Variants in PTPN4 observed in about 807,000 individuals in gnomAD.
The protein encoded by PTPN4 is protein tyrosine phosphatase non-receptor type 4.
Under a neutral mutation model 135.5 loss-of-function variants are expected in PTPN4, and 49 were observed. That is an observed-to-expected ratio of 0.36 (90% CI 0.29 to 0.46). PTPN4 has a LOEUF of 0.46. Ranked by LOEUF, PTPN4 falls within the 20% of genes least tolerant of loss-of-function variation. The probability of loss-of-function intolerance (pLI) is 1.00; values close to 1 mark genes in which losing one functional copy is unlikely to be tolerated. For synonymous variants in PTPN4, 333 were observed against 369.9 expected (o/e 0.90, Z 1.14); for missense variants, 860 against 1,101.0 (o/e 0.78, Z 3.10).
intron 19 of PTPN4, among the ~76,000 whole-genome samples, chr2:119,953,738 C>T (rs889207173): frequency 5.9e-5 from 9 of 152,074 alleles, no homozygotes; most frequent in African/African-American, 2.2e-4. Flanking sequence ...TCCTCATAGA[C>T]ATCCAATGAG....
chr2:119,856,105 A>G (rs879448336), intron 2 of PTPN4, among the ~76,000 whole-genome samples: 24 of 152,116 alleles, frequency 1.6e-4, no homozygotes, highest in Non-Finnish European at 1.5e-4. Flanking sequence ...CGCCCAGCCT[A>G]TGTAATTCTT....
At chr2:119,877,812 C>T (rs1260393651) in intron 5 of PTPN4, among the ~76,000 whole-genome samples, 2 of 152,102 alleles carry the variant, frequency 1.3e-5, no homozygotes, top group African/African-American at 4.8e-5. Flanking sequence ...GTGAACACTG[C>T]TTAAGTGTGG....
At chr2:119,971,198 G>A (rs1679528380) in intron 26 of PTPN4, among the ~76,000 whole-genome samples, 1 of 152,192 alleles carries the variant, frequency 6.6e-6, no homozygotes, top group Non-Finnish European at 1.5e-5. Flanking sequence ...AGGCAAAGGG[G>A]AAGCAAGCAG....
In PTPN4 at chr2:119,951,954, T is replaced by A. The variant is rs1336395433; in HGVS notation, c.1657-19T>A. ...AAAGTTGCATGCCAATCTGAAACCT[T>A]ATCTATATTATATTACAGGCTGACC... On this transcript the variant is annotated intron_variant, in intron 18 of 26. Coordinates refer to ENST00000263708, the MANE Select transcript of PTPN4 (RefSeq NM_002830.4). 29 of 1,567,496 alleles carry A rather than the reference T, an allele frequency of 1.9e-5. No individual in the cohort carries two copies. The highest frequency in any genetic ancestry group is 2.3e-5 in the Non-Finnish European group (27 of 1,156,748).
chr2:119,880,771 A>C (rs545992754), intron 5 of PTPN4, among the ~76,000 whole-genome samples: 1 of 152,162 alleles, frequency 6.6e-6, no homozygotes, highest in South Asian at 2.1e-4. Flanking sequence ...TAAATAGATT[A>C]TATTTATAAT....
At position 119,816,115 on chromosome 2, in the gene PTPN4, T is replaced by A. The variant is rs146846515; in HGVS notation, c.138+6124T>A. ...ACTCACATGTAGATGGTATAACCTA[T>A]TACACACCTAGGATATATGGTATGG... On this transcript the variant is annotated intron_variant, in intron 2 of 26. Coordinates refer to ENST00000263708, the MANE Select transcript of PTPN4 (RefSeq NM_002830.4). Among the ~76,000 whole-genome samples the A allele has an allele frequency of 3.4e-3, 519 of 152,316 alleles. 3 individuals carry two copies. Among genetic ancestry groups the A allele is most frequent in the Non-Finnish European group, 4.6e-3 (313 of 68,022 alleles).
chr2:119,952,033 G>A lies in PTPN4; in HGVS notation c.1717G>A (p.Asp573Asn), dbSNP rs1452061874. The change falls in exon 19 of 27, where the codon GAC becomes AAC. Residue 573 changes from aspartate (D) to asparagine (N), a missense_variant. This residue lies in a region of PTPN4 where 684 missense variants were observed against 807.0 expected (regional missense o/e 0.85). Coordinates refer to ENST00000263708, the MANE Select transcript of PTPN4 (RefSeq NM_002830.4). Reference sequence around the variant, plus strand: ...CCAAGTTGTACTGATCAATGGTCGGGACATTGCAGAACACACTCATGATCA... The same window carrying A: ...CCAAGTTGTACTGATCAATGGTCGGAACATTGCAGAACACACTCATGATCA... ...GDQVVLINGR[D>N]IAEHTHDQVV... is the part of the protein sequence containing the mutation. The A allele has an allele frequency of 6.2e-7, 1 of 1,613,312 alleles. No homozygotes were observed. The highest frequency in any genetic ancestry group is 1.7e-5 in the Admixed American group (1 of 60,012).
intron 12 of PTPN4, 137 bp downstream of exon 12, chr2:119,920,378 T>G (rs1678718526): frequency 1.1e-6 from 1 of 913,836 alleles, no homozygotes; most frequent in Admixed American, 2.9e-5. Flanking sequence ...GATTGCAGCC[T>G]CTATATCAGT....
At position 119,908,331 on chromosome 2, in the gene PTPN4, G is replaced by A. The variant is rs536351719; in HGVS notation, c.765-6848G>A. ...CAAATTGAAGGTTTGTGGCAACCCT[G>A]CATCAAACAACTCTGTTGTTGCCAT... On this transcript the variant is annotated intron_variant, in intron 10 of 26. Transcript: ENST00000263708. Among the ~76,000 whole-genome samples the A allele has an allele frequency of 1.5e-4, 23 of 152,248 alleles. No homozygotes were observed. In the East Asian group the frequency reaches 4.2e-3, roughly 28 times the overall value.
intron 10 of PTPN4, 95 bp from the exon 11 acceptor site, chr2:119,915,084 A>C (rs1678631855): frequency 1.9e-6 from 2 of 1,040,868 alleles, no homozygotes; most frequent in South Asian, 3.8e-5. Context: ...AAATGTTTAG[A>C]TATTACTAAA....
chr2:119,862,807 T>G (rs1381643766), intron 3 of PTPN4, among the ~76,000 whole-genome samples, 164 bp downstream of exon 3: 1 of 152,168 alleles, frequency 6.6e-6, no homozygotes, highest in East Asian at 1.9e-4. Context: ...CTTGACATTT[T>G]AATCTTTCAG....
At chr2:119,932,612 T>C in intron 14 of PTPN4, 63 bp downstream of exon 14, 1 of 1,475,972 alleles carries the variant, frequency 6.8e-7, no homozygotes, top group Non-Finnish European at 9.2e-7. Context: ...TTATTGGCTG[T>C]ATATTTTTAT....
chr2:119,948,466 A>G (rs1465725590), intron 18 of PTPN4, among the ~76,000 whole-genome samples: 2 of 152,154 alleles, frequency 1.3e-5, no homozygotes, highest in Non-Finnish European at 2.9e-5. Context: ...GCAGTTGTAT[A>G]TCTTTTGGCC....
At chr2:119,795,105 C>T (rs972136703) in intron 1 of PTPN4, among the ~76,000 whole-genome samples, 1 of 152,110 alleles carries the variant, frequency 6.6e-6, no homozygotes, top group Admixed American at 6.5e-5. Context: ...TGGGCAGGTC[C>T]TCTCTGCAGT....
At chr2:119,766,480 GTGTC>G (rs768731207) in intron 1 of PTPN4, among the ~76,000 whole-genome samples, 6,447 of 122,010 alleles carry the variant, frequency 0.053, 141 homozygotes, top group African/African-American at 0.06. Context: ...GTGTGTGTGT[GTGTC>G]TGTGTGTGTG....
At chr2:119,909,528 A>G (rs1052583402) in intron 10 of PTPN4, among the ~76,000 whole-genome samples, 1 of 152,232 alleles carries the variant, frequency 6.6e-6, no homozygotes, top group Non-Finnish European at 1.5e-5. Flanking sequence ...AGAGATGGCA[A>G]GGAAGTTGAT....
chr2:119,970,720 T>A (rs902478741), intron 26 of PTPN4, among the ~76,000 whole-genome samples: 19 of 152,268 alleles, frequency 1.2e-4, no homozygotes, highest in Non-Finnish European at 5.9e-5. Context: ...TGATGGACAT[T>A]TATTTGGTTT....
rs538535962 is a variant in PTPN4, at chr2:119,764,733, G to T, written c.-18+4349G>T. Among the ~76,000 whole-genome samples the T allele has an allele frequency of 2.0e-5, 3 of 149,274 alleles. No individual in the cohort carries two copies. The East Asian group carries it at 5.9e-4, about 29-fold the overall frequency. ...AAATAGGAATAGCGTCTTTTGTATTGTCTTATGAATTTAGTTCATTTTTCA... is the reference window on the plus strand; with the variant it reads ...AAATAGGAATAGCGTCTTTTGTATTTTCTTATGAATTTAGTTCATTTTTCA... On this transcript the variant is annotated intron_variant, in intron 1 of 26. Coordinates refer to ENST00000263708, the MANE Select transcript of PTPN4 (RefSeq NM_002830.4).
intron 1 of PTPN4, among the ~76,000 whole-genome samples, chr2:119,773,733 CTCA>C (rs1171745362): frequency 6.6e-5 from 5 of 75,262 alleles, no homozygotes; most frequent in Non-Finnish European, 1.5e-4. Flanking sequence ...AAGACTCTGT[CTCA>C]AAAAAAAAAA....
Sources: gnomAD v4.1 joint callset for allele counts (sites outside exome capture counted in the v4.1 genomes callset) on GRCh38, gnomAD v4.1.1 for gene constraint, gnomAD v4.1.1 regional missense constraint, MANE v1.5 for transcripts, NCBI Gene and HGNC (gene_info 2026-07-23, HGNC 2026-07-21) for gene names.